SPOCK3: variants seen among roughly 807,000 people sequenced by gnomAD.
The protein encoded by SPOCK3 is SPARC (osteonectin), cwcv and kazal like domains proteoglycan 3.
SPOCK3 carries 30 observed loss-of-function variants against 56.6 expected under a neutral mutation model. That is an observed-to-expected ratio of 0.53 (90% CI 0.40 to 0.72). SPOCK3 has a LOEUF of 0.72. Among genes scored for constraint, SPOCK3 ranks in the 30% least tolerant of loss-of-function variants. The pLI is 0.00. For synonymous variants in SPOCK3, 196 were observed against 183.3 expected, an observed-to-expected ratio of 1.07 and a Z score of -0.56; for missense variants, 527 against 530.0, an observed-to-expected ratio of 0.99 and a Z score of 0.06.
chr4:167,055,458 G>A (rs535165068), intron 3 of SPOCK3, among the ~76,000 whole-genome samples: 1 of 152,310 alleles, frequency 6.6e-6, no homozygotes, highest in East Asian at 1.9e-4. Flanking sequence ...GCGCAGGACA[G>A]TGGGTGCAGC....
intron 4 of SPOCK3, among the ~76,000 whole-genome samples, chr4:166,931,307 A>G (rs575938260): frequency 6.7e-6 from 1 of 149,950 alleles, no homozygotes; most frequent in East Asian, 2.0e-4. Context: ...ATATGCATAC[A>G]AACACACTAC....
In SPOCK3 at chr4:166,766,502, G is replaced by A. The variant is rs968346657; in HGVS notation, c.710-11773C>T. Among the ~76,000 whole-genome samples the A allele has an allele frequency of 1.1e-4, 17 of 152,184 alleles. 1 individual carries two copies. Among genetic ancestry groups the A allele is most frequent in the Middle Eastern group, 3.4e-3 (1 of 294 alleles). Reference sequence around the variant, plus strand: ...TGCTGGATTACATTTAATGATTTGCGTACGTTGAACCAGTCTTGCATCCCA... The same window carrying A: ...TGCTGGATTACATTTAATGATTTGCATACGTTGAACCAGTCTTGCATCCCA... On this transcript the variant is annotated intron_variant, in intron 7 of 10. Transcript: ENST00000357545.
intron 4 of SPOCK3, among the ~76,000 whole-genome samples, chr4:166,937,366 C>T (rs1740526738): frequency 6.7e-6 from 1 of 149,762 alleles, no homozygotes; most frequent in Admixed American, 6.7e-5. Context: ...TGTATATATA[C>T]ATATACATAT....
Position 166,979,134 on chromosome 4 carries a change from A to T in SPOCK3, c.350+21215T>A, listed in dbSNP as rs1746301692. Among the ~76,000 whole-genome samples, 2 of 152,182 alleles carry T rather than the reference A, an allele frequency of 1.3e-5. 1 individual carries two copies. The highest frequency in any genetic ancestry group is 4.1e-4 in the South Asian group (2 of 4,832). ...TGGAAAAAAATCCCTTTCACAATTT[A>T]AGAGCCGCAGATTCACATGCATCTC... On this transcript the variant is annotated intron_variant, in intron 4 of 10. Coordinates refer to ENST00000357545, the MANE Select transcript of SPOCK3 (RefSeq NM_001040159.2).
chr4:166,961,016 T>C (rs531119911), intron 4 of SPOCK3, among the ~76,000 whole-genome samples: 1 of 152,318 alleles, frequency 6.6e-6, no homozygotes, highest in African/African-American at 2.4e-5. Context: ...GTTGTAGATT[T>C]AGAGTTTTAC....
intron 7 of SPOCK3, among the ~76,000 whole-genome samples, chr4:166,770,030 G>A (rs11131776): frequency 0.2 from 30,019 of 152,082 alleles, 3,630 homozygotes; most frequent in South Asian, 0.3. Context: ...CGCTAAGACC[G>A]TTGAAAAAGC....
At chr4:167,103,051 C>T (rs2150328789) in intron 2 of SPOCK3, among the ~76,000 whole-genome samples, 1 of 151,910 alleles carries the variant, frequency 6.6e-6, no homozygotes, top group East Asian at 2.0e-4. Flanking sequence ...ATGAGGCCCC[C>T]ATTCCAGGTA....
At chr4:167,012,004 A>G (rs2150146384) in intron 3 of SPOCK3, among the ~76,000 whole-genome samples, 1 of 152,110 alleles carries the variant, frequency 6.6e-6, no homozygotes, top group East Asian at 1.9e-4. Context: ...TTTTAAAAAT[A>G]CAGTTTATTT....
chr4:166,754,671 T>A lies in SPOCK3; in HGVS notation c.768A>T (p.Arg256Ser), dbSNP rs757688039. The A allele has an allele frequency of 6.2e-7, 1 of 1,613,724 alleles. No individual in the cohort carries two copies. Among genetic ancestry groups the A allele is most frequent in the South Asian group, 1.1e-5 (1 of 91,070 alleles). ...CKDSLGWMFN[R>S]LDTNYDLLLD... ...ATAGCAGGTCATAGTTTGTATCAAG[T>A]CTGTTAAACATCCAGCCAAGTGAGT... Residue 256 changes from arginine (R) to serine (S), a missense_variant, in exon 8 of 11, where the codon AGA becomes AGT. Physicochemically the swap from Arg to Ser is moderately radical, Grantham distance 110. Transcript: ENST00000357545.
intron 4 of SPOCK3, among the ~76,000 whole-genome samples, chr4:166,964,226 G>C (rs1382692635): frequency 1.3e-5 from 2 of 151,570 alleles, no homozygotes; most frequent in Non-Finnish European, 3.0e-5. Context: ...TATTACTTGT[G>C]AATAAACATT....
Position 167,176,379 on chromosome 4 carries a change from C to T in SPOCK3, c.189+57606G>A, listed in dbSNP as rs183610442. ...GCACACGGAAGCAACCAGCTAAGCA[C>T]GTTACCTTAAGTTCTCACCAACTAC... is the stretch of plus-strand genomic sequence containing the variant. On this transcript the variant is annotated intron_variant, in intron 2 of 10. Coordinates refer to ENST00000357545, the MANE Select transcript of SPOCK3 (RefSeq NM_001040159.2). 1.3e-3 allele frequency among the ~76,000 whole-genome samples: 196 copies of T among 152,224 alleles called. 1 individual carries two copies. Among genetic ancestry groups the T allele is most frequent in the Non-Finnish European group, 1.1e-3 (74 of 68,002 alleles).
intron 4 of SPOCK3, among the ~76,000 whole-genome samples, chr4:166,941,276 A>T (rs1348241798): frequency 6.6e-6 from 1 of 152,178 alleles, no homozygotes; most frequent in Admixed American, 6.5e-5. Flanking sequence ...AACAGAAAAA[A>T]ATGGATCCTT....
At chr4:167,093,806 C>G (rs779134816) in intron 2 of SPOCK3, among the ~76,000 whole-genome samples, 1 of 152,094 alleles carries the variant, frequency 6.6e-6, no homozygotes, top group Non-Finnish European at 1.5e-5. Flanking sequence ...TGGGTACATA[C>G]CCAGTAATGG....
At chr4:167,109,080 A>AATATATAT in intron 2 of SPOCK3, among the ~76,000 whole-genome samples, 1 of 6,486 alleles carries the variant, frequency 1.5e-4, no homozygotes, top group Non-Finnish European at 2.7e-4. Flanking sequence ...TATTTATATA[A>AATATATAT]AAATATATAT....
intron 4 of SPOCK3, among the ~76,000 whole-genome samples, chr4:166,952,787 A>G (rs1218701720): frequency 6.6e-6 from 1 of 152,222 alleles, no homozygotes; most frequent in Non-Finnish European, 1.5e-5. Flanking sequence ...CCACATATCT[A>G]CAACTATCTG....
At chr4:166,845,688 A>G (rs990053431) in intron 6 of SPOCK3, among the ~76,000 whole-genome samples, 5 of 152,186 alleles carry the variant, frequency 3.3e-5, no homozygotes, top group Non-Finnish European at 7.4e-5. Context: ...AACAACTTCA[A>G]ACACGTAATC....
intron 2 of SPOCK3, among the ~76,000 whole-genome samples, chr4:167,100,487 T>TCACA (rs141060778): frequency 5.4e-5 from 8 of 147,704 alleles, no homozygotes; most frequent in East Asian, 2.0e-4. Context: ...TCTCTCTCTC[T>TCACA]CACACACACA....
intron 2 of SPOCK3, among the ~76,000 whole-genome samples, chr4:167,205,377 T>TA (rs540762642): frequency 2.1e-3 from 95 of 44,610 alleles, no homozygotes; most frequent in Non-Finnish European, 3.1e-3. Context: ...ATTTTATATA[T>TA]ATAATATATA....
At chr4:166,948,958 T>G (rs28821000) in intron 4 of SPOCK3, among the ~76,000 whole-genome samples, 7,819 of 152,260 alleles carry the variant, frequency 0.051, 656 homozygotes, top group African/African-American at 0.18. Context: ...GGTTCCATTC[T>G]CCCCATCACT....
Sources: gnomAD v4.1 joint callset for allele counts (sites outside exome capture counted in the v4.1 genomes callset) on GRCh38, gnomAD v4.1.1 for gene constraint, MANE v1.5 for transcripts, NCBI Gene and HGNC (gene_info 2026-07-23, HGNC 2026-07-21) for gene names.